Variants in NUDT3 observed in about 807,000 individuals in gnomAD.
The protein encoded by NUDT3 is nudix hydrolase 3.
A neutral mutation model predicts 23.6 loss-of-function variants in NUDT3; 9 were observed. The observed-to-expected ratio is 0.38, with a 90% confidence interval of 0.23 to 0.66. NUDT3 has a LOEUF of 0.66. NUDT3 is among the 30% of genes least tolerant of loss of function. NUDT3 has a pLI of 0.52. For synonymous variants in NUDT3, 86 were observed against 82.6 expected, an observed-to-expected ratio of 1.04 and a Z score of -0.22; for missense variants, 172 against 218.5, an observed-to-expected ratio of 0.79 and a Z score of 1.34.
chr6:34,290,540 A>C (rs1389509399), intron 4 of NUDT3, among the ~76,000 whole-genome samples: 1 of 149,938 alleles, frequency 6.7e-6, no homozygotes, highest in African/African-American at 2.5e-5. Context: ...ACTATTTCTT[A>C]AGCAATCTAT....
At chr6:34,332,144 TA>T in intron 2 of NUDT3, among the ~76,000 whole-genome samples, 1 of 152,294 alleles carries the variant, frequency 6.6e-6, no homozygotes, top group Admixed American at 6.5e-5. Flanking sequence ...GGTGGGTATA[TA>T]ATTTTTGACT....
At chr6:34,297,547 A>C (rs1255683411) in intron 2 of NUDT3, among the ~76,000 whole-genome samples, 5 of 136,920 alleles carry the variant, frequency 3.7e-5, no homozygotes, top group African/African-American at 5.6e-5. Context: ...AAGAAAAGTC[A>C]TTGTTTTTTT....
chr6:34,333,047 C>A (rs930025487), intron 2 of NUDT3, among the ~76,000 whole-genome samples: 6 of 152,184 alleles, frequency 3.9e-5, no homozygotes, highest in Non-Finnish European at 8.8e-5. Context: ...GCTCACACAG[C>A]TTCTGCTGCC....
intron 1 of NUDT3, among the ~76,000 whole-genome samples, chr6:34,359,582 T>C (rs1764616439): frequency 6.6e-6 from 1 of 152,222 alleles, no homozygotes; most frequent in South Asian, 2.1e-4. Flanking sequence ...AGTTCATCCA[T>C]ATTGTAGCAT....
At chr6:34,350,112 G>T (rs1764444760) in intron 1 of NUDT3, among the ~76,000 whole-genome samples, 1 of 150,560 alleles carries the variant, frequency 6.6e-6, no homozygotes, top group Non-Finnish European at 1.5e-5. Context: ...AAAAAGAAAA[G>T]AAATTAGATT....
At chr6:34,300,576 G>A (rs183575228) in intron 2 of NUDT3, among the ~76,000 whole-genome samples, 2 of 152,340 alleles carry the variant, frequency 1.3e-5, no homozygotes, top group East Asian at 1.9e-4. Context: ...AAGAAACCCT[G>A]TACTTCCTTG....
chr6:34,351,207 A>AATAATAATAAAAAT lies in NUDT3; in HGVS notation c.100-9236_100-9235insATTTTTATTATTAT, dbSNP rs1764464853. On this transcript the variant is annotated intron_variant, in intron 1 of 4. Coordinates refer to ENST00000607016, the MANE Select transcript of NUDT3 (RefSeq NM_006703.4). ...TCTACACTCCCCTGCCTAAAAAAAA[A>AATAATAATAAAAAT]AAAAAAAAAAAAAAAAAAACACTTT... Among the ~76,000 whole-genome samples the AATAATAATAAAAAT allele has an allele frequency of 3.2e-5, 4 of 125,746 alleles. 1 individual carries two copies. Among genetic ancestry groups the AATAATAATAAAAAT allele is most frequent in the African/African-American group, 6.4e-5 (2 of 31,238 alleles). The allele number at this position is 125,746 out of a possible 152,430, so 82.5% of individuals were successfully genotyped here. A position where few individuals can be genotyped will look rare whatever the true frequency, so the allele number is the denominator to read the frequency against.
At chr6:34,337,690 G>A (rs868530138) in intron 2 of NUDT3, among the ~76,000 whole-genome samples, 4 of 151,488 alleles carry the variant, frequency 2.6e-5, no homozygotes, top group South Asian at 4.1e-4. Context: ...CAGCAACAGT[G>A]ACAACAAATA....
rs115113711 is a variant in NUDT3 at position 34,370,399 on chromosome 6, T to C, written c.99+21865A>G. Among the ~76,000 whole-genome samples the C allele has an allele frequency of 3.5e-3, 537 of 152,312 alleles. 2 individuals are homozygous for C. The highest frequency in any genetic ancestry group is 0.012 in the African/African-American group (517 of 41,562). On this transcript the variant is annotated intron_variant, in intron 1 of 4. Coordinates refer to ENST00000607016, the MANE Select transcript of NUDT3 (RefSeq NM_006703.4). ...TCAAAGTGGCGGCTACAACTCCAGATACAACTTCAGCGTTCAAGGCAGATG... is the reference window on the plus strand; with the variant it reads ...TCAAAGTGGCGGCTACAACTCCAGACACAACTTCAGCGTTCAAGGCAGATG...
At chr6:34,333,088 C>A (rs1764154157) in intron 2 of NUDT3, among the ~76,000 whole-genome samples, 1 of 152,160 alleles carries the variant, frequency 6.6e-6, no homozygotes, top group African/African-American at 2.4e-5. Context: ...TACTAAAGCC[C>A]ATGGCAGGCC....
At chr6:34,390,476 G>A (rs1036124412) in intron 1 of NUDT3, among the ~76,000 whole-genome samples, 2 of 151,904 alleles carry the variant, frequency 1.3e-5, no homozygotes, top group African/African-American at 4.8e-5. Flanking sequence ...GTTTGCTTAT[G>A]ATCTATAGTT....
At chr6:34,318,552 A>G (rs754995063) in intron 2 of NUDT3, among the ~76,000 whole-genome samples, 29 of 152,196 alleles carry the variant, frequency 1.9e-4, no homozygotes, top group Non-Finnish European at 3.5e-4. Flanking sequence ...AGGACGCTCT[A>G]TGTTGGGATA....
chr6:34,347,745 A>G (rs977659330), intron 1 of NUDT3, among the ~76,000 whole-genome samples: 1 of 152,128 alleles, frequency 6.6e-6, no homozygotes, highest in Non-Finnish European at 1.5e-5. Flanking sequence ...TCCCTGCCCT[A>G]TAGGAACTGA....
chr6:34,320,307 C>T (rs1454343321), intron 2 of NUDT3, among the ~76,000 whole-genome samples: 1 of 152,162 alleles, frequency 6.6e-6, no homozygotes, highest in South Asian at 2.1e-4. Context: ...CTCACTGCAA[C>T]CTCCGCCTCC....
intron 1 of NUDT3, among the ~76,000 whole-genome samples, chr6:34,368,718 A>G (rs1312638310): frequency 6.6e-6 from 1 of 152,102 alleles, no homozygotes; most frequent in Admixed American, 6.6e-5. Flanking sequence ...AGTTCACTGC[A>G]AACTCCACCT....
intron 1 of NUDT3, among the ~76,000 whole-genome samples, chr6:34,385,378 G>A (rs571682772): frequency 7.9e-5 from 12 of 152,000 alleles, no homozygotes; most frequent in Admixed American, 1.3e-4. Context: ...ACCTGAGGTC[G>A]GGAGTTCGAG....
intron 2 of NUDT3, among the ~76,000 whole-genome samples, chr6:34,299,306 T>C (rs1411551056): frequency 6.6e-6 from 1 of 152,246 alleles, no homozygotes; most frequent in Admixed American, 6.5e-5. Context: ...TCAATCTATA[T>C]GTCAAAAGCC....
intron 1 of NUDT3, among the ~76,000 whole-genome samples, chr6:34,386,943 A>C (rs892843170): frequency 2.6e-5 from 4 of 151,922 alleles, no homozygotes; most frequent in Non-Finnish European, 5.9e-5. Context: ...CCGAAACCCT[A>C]TCTCTACAAA....
chr6:34,377,361 A>G (rs1764940776), intron 1 of NUDT3, among the ~76,000 whole-genome samples: 1 of 152,198 alleles, frequency 6.6e-6, no homozygotes, highest in Non-Finnish European at 1.5e-5. Context: ...TTGTTAACCA[A>G]GACAGAACTT....
Sources: gnomAD v4.1 joint callset for allele counts (sites outside exome capture counted in the v4.1 genomes callset) on GRCh38, gnomAD v4.1.1 for gene constraint, MANE v1.5 for transcripts, NCBI Gene and HGNC (gene_info 2026-07-23, HGNC 2026-07-21) for gene names.